C1QTNF3: variants seen among roughly 807,000 people sequenced by gnomAD.
C1QTNF3 encodes C1q and TNF related 3, also known as complement C1q tumor necrosis factor-related protein 3.
C1QTNF3 carries 26 observed loss-of-function variants against 32.6 expected under a neutral mutation model. The observed-to-expected ratio is 0.80, with a 90% CI of 0.58 to 1.11. The LOEUF (loss-of-function observed/expected upper bound fraction) is 1.11. C1QTNF3 is among the 50% of genes least tolerant of loss of function. C1QTNF3 has a pLI of 0.00. For missense variants in C1QTNF3, 362 were observed against 398.2 expected (o/e 0.91, Z 0.77); for synonymous variants, 155 against 146.0 (o/e 1.06, Z -0.44).
At chr5:34,172,478 C>G in the C1QTNF3 span, among the ~76,000 whole-genome samples, 4 of 151,994 alleles carry the variant, frequency 2.6e-5, no homozygotes, top group African/African-American at 4.8e-5. Flanking sequence ...TTTCTTTATT[C>G]TGAAGTTCTC....
At chr5:34,167,249 C>A in the C1QTNF3 span, 1 of 152,150 alleles carries the variant, frequency 6.6e-6, no homozygotes, top group Non-Finnish European at 1.5e-5. Flanking sequence ...TTCTCCATAG[C>A]CCCCACTCAT....
chr5:34,123,680 A>G, the C1QTNF3 span, among the ~76,000 whole-genome samples: 1 of 150,780 alleles, frequency 6.6e-6, no homozygotes, highest in Non-Finnish European at 1.5e-5. Context: ...TTTAAGACAC[A>G]GTTTAATTTG....
chr5:34,071,024 T>C, the C1QTNF3 span, among the ~76,000 whole-genome samples: 1 of 152,184 alleles, frequency 6.6e-6, no homozygotes. Flanking sequence ...GATATTCAAT[T>C]ATATAGCAAT....
the C1QTNF3 span, among the ~76,000 whole-genome samples, chr5:34,053,706 C>T: frequency 0.41 from 62,119 of 152,104 alleles, 14,541 homozygotes; most frequent in Non-Finnish European, 0.53. Context: ...TTTCCCCACC[C>T]TATTATATTT....
chr5:34,198,597 T>C, the C1QTNF3 span, among the ~76,000 whole-genome samples: 11 of 78,286 alleles, frequency 1.4e-4, no homozygotes, highest in African/African-American at 6.6e-4. Context: ...TTTGTGACCT[T>C]GTCTCAGAAG....
At chr5:34,196,179 T>C in the C1QTNF3 span, among the ~76,000 whole-genome samples, 2 of 152,384 alleles carry the variant, frequency 1.3e-5, no homozygotes, top group African/African-American at 4.8e-5. Context: ...CAGAGTCTCA[T>C]TCTGTCATCC....
the C1QTNF3 span, among the ~76,000 whole-genome samples, chr5:34,133,858 T>C: frequency 1.3e-5 from 2 of 152,264 alleles, no homozygotes; most frequent in East Asian, 3.8e-4. Flanking sequence ...AGAAACTTTT[T>C]ATTGGCTGTT....
the C1QTNF3 span, among the ~76,000 whole-genome samples, chr5:34,235,546 C>CTTTTT: frequency 1.9e-4 from 20 of 103,894 alleles, no homozygotes; most frequent in South Asian, 6.7e-4. Flanking sequence ...ATTTCTTTTT[C>CTTTTT]TTTTTTTTTT....
At chr5:34,112,409 C>T in the C1QTNF3 span, among the ~76,000 whole-genome samples, 1 of 151,758 alleles carries the variant, frequency 6.6e-6, no homozygotes, top group Non-Finnish European at 1.5e-5. Context: ...CCTATAATCC[C>T]ATCACATTGG....
chr5:34,039,834 C>T (rs1196423575), intron 1 of C1QTNF3, among the ~76,000 whole-genome samples: 1 of 152,164 alleles, frequency 6.6e-6, no homozygotes, highest in Non-Finnish European at 1.5e-5. Flanking sequence ...TATCTAGGCA[C>T]AAGAATTCAG....
the C1QTNF3 span, chr5:34,191,081 C>T: frequency 4.2e-6 from 3 of 711,046 alleles, no homozygotes; most frequent in African/African-American, 5.2e-5. Context: ...TCGATGATTC[C>T]TGCCCCCTTC....
At chr5:34,230,921 T>G in the C1QTNF3 span, among the ~76,000 whole-genome samples, 28 of 152,214 alleles carry the variant, frequency 1.8e-4, 1 homozygote, top group East Asian at 1.7e-3. Context: ...TTTTTTGGTG[T>G]TGTTATTTCT....
the C1QTNF3 span, among the ~76,000 whole-genome samples, chr5:34,088,725 G>T: frequency 2.0e-5 from 3 of 152,042 alleles, no homozygotes; most frequent in South Asian, 2.1e-4. Flanking sequence ...TTGCCAAGGC[G>T]GGTCTGGAAC....
intron 5 of C1QTNF3, among the ~76,000 whole-genome samples, chr5:34,022,687 C>A (rs1754361283): frequency 6.6e-6 from 1 of 152,260 alleles, no homozygotes; most frequent in South Asian, 2.1e-4. Flanking sequence ...GTCACCTTTG[C>A]ATTTGTTGGG....
the C1QTNF3 span, among the ~76,000 whole-genome samples, chr5:34,146,945 G>C: frequency 6.6e-6 from 1 of 152,134 alleles, no homozygotes; most frequent in Admixed American, 6.5e-5. Flanking sequence ...CTGATATCCA[G>C]AATCTATAAT....
chr5:34,147,816 A>G, the C1QTNF3 span, among the ~76,000 whole-genome samples: 1 of 152,216 alleles, frequency 6.6e-6, no homozygotes, highest in East Asian at 1.9e-4. Context: ...ATCTAAACTA[A>G]AAGTTGAAAT....
At chr5:34,227,601 C>T in the C1QTNF3 span, among the ~76,000 whole-genome samples, 13 of 151,758 alleles carry the variant, frequency 8.6e-5, no homozygotes, top group African/African-American at 2.2e-4. Flanking sequence ...TACATATGAG[C>T]GGACCCGCAC....
At chr5:34,202,669 T>C in the C1QTNF3 span, among the ~76,000 whole-genome samples, 18 of 152,270 alleles carry the variant, frequency 1.2e-4, no homozygotes, top group African/African-American at 3.9e-4. Context: ...AATTGATATG[T>C]ATATGTTAAC....
chr5:34,079,736 A>G, the C1QTNF3 span, among the ~76,000 whole-genome samples: 1 of 151,788 alleles, frequency 6.6e-6, no homozygotes, highest in Non-Finnish European at 1.5e-5. Context: ...AGTCAAAATC[A>G]TAGAAGCAGA....
Sources: gnomAD v4.1 joint callset for allele counts (sites outside exome capture counted in the v4.1 genomes callset) on GRCh38, gnomAD v4.1.1 for gene constraint, MANE v1.5 for transcripts, NCBI Gene and HGNC (gene_info 2026-07-23, HGNC 2026-07-21) for gene names.